ZNF705A: variants seen among roughly 807,000 people sequenced by gnomAD.
ZNF705A encodes zinc finger protein 705A.
Under a neutral mutation model 16.6 loss-of-function variants are expected in ZNF705A, and 8 were observed. The ratio of observed to expected loss-of-function variants is 0.48; its 90% confidence interval spans 0.28 to 0.87. The LOEUF is 0.87. ZNF705A is among the 40% of genes least tolerant of loss of function. The probability of loss-of-function intolerance (pLI) is 0.10; values close to 1 mark genes in which losing one functional copy is unlikely to be tolerated. For missense variants in ZNF705A, 233 were observed against 359.9 expected, an observed-to-expected ratio of 0.65 and a Z score of 2.85; for synonymous variants, 73 against 117.3, an observed-to-expected ratio of 0.62 and a Z score of 2.44.
chr12:8,170,184 T>A (rs981302429), upstream of ZNF705A, among the ~76,000 whole-genome samples: 2 of 65,990 alleles, frequency 3.0e-5, no homozygotes, highest in African/African-American at 5.1e-5. Context: ...AGCGAAACTC[T>A]CCCCCCCCCC....
upstream of ZNF705A, among the ~76,000 whole-genome samples, chr12:8,170,184 TCCC>T (rs35676407): frequency 0.031 from 2,055 of 65,866 alleles, 107 homozygotes; most frequent in African/African-American, 0.07. Flanking sequence ...AGCGAAACTC[TCCC>T]CCCCCCCCCA....
intron 1 of ZNF705A, among the ~76,000 whole-genome samples, chr12:8,162,527 C>G (rs1442043318): frequency 6.6e-6 from 1 of 152,140 alleles, no homozygotes; most frequent in Non-Finnish European, 1.5e-5. Flanking sequence ...CTAGAAGAAT[C>G]TTTCCTTCAA....
At chr12:8,158,985 C>A (rs1392567158) in intron 1 of ZNF705A, among the ~76,000 whole-genome samples, 1 of 152,058 alleles carries the variant, frequency 6.6e-6, no homozygotes. Context: ...TCCTCCAAGT[C>A]CCCAAAGTCC....
chr12:8,179,448 A>G (rs1455115336), exon 5 of ZNF705A: 1 of 152,212 alleles, frequency 6.6e-6, no homozygotes, highest in Non-Finnish European at 1.5e-5. Flanking sequence ...TGGAAAATGT[A>G]TTGTCCGTGA....
chr12:8,171,319 A>T (rs775005644), upstream of ZNF705A, among the ~76,000 whole-genome samples: 1 of 152,340 alleles, frequency 6.6e-6, no homozygotes, highest in Non-Finnish European at 1.5e-5. Flanking sequence ...GCAGGGAAAT[A>T]ATACATGCAT....
chr12:8,167,566 C>T (rs141177296), upstream of ZNF705A, among the ~76,000 whole-genome samples: 3,893 of 152,192 alleles, frequency 0.026, 116 homozygotes, highest in African/African-American at 0.066. Flanking sequence ...GAGAGTCTTG[C>T]TGCTTGCTTG....
chr12:8,177,878 C>T (rs777610409), exon 5 of ZNF705A: 2 of 511,392 alleles, frequency 3.9e-6, no homozygotes, highest in East Asian at 6.9e-5. Flanking sequence ...TTCTTCAGTC[C>T]ACATCAATAA....
At chr12:8,169,145 T>A (rs1407165383), upstream of ZNF705A, among the ~76,000 whole-genome samples, 1 of 152,248 alleles carries the variant, frequency 6.6e-6, no homozygotes. Flanking sequence ...TATTCCTTTT[T>A]TTAAAATGTG....
Position 8,160,325 on chromosome 12 carries a change from A to G in ZNF705A, c.-72+3233A>G, listed in dbSNP as rs141067712. On this transcript the variant is annotated intron_variant, in intron 1 of 5. Transcript: ENST00000396570. ...TATGCAGGCTCCTTTTTGGTTTCAT[A>G]TGAATTTTAGAATTGTTTTTCTAAT... Among the ~76,000 whole-genome samples, 578 of 152,182 alleles carry G rather than the reference A, an allele frequency of 3.8e-3. 18 individuals carry two copies. The East Asian group carries it at 0.084, about 22-fold the overall frequency.
chr12:8,175,958 G>A lies in ZNF705A; in HGVS notation c.318+16G>A, dbSNP rs779174832. The A allele has an allele frequency of 6.2e-7, 1 of 1,610,276 alleles. No homozygotes were observed. Among genetic ancestry groups the A allele is most frequent in the Non-Finnish European group, 8.5e-7 (1 of 1,179,134 alleles). ...TATGACAATGGTAAGTTTTATAGCT[G>A]TGTACACCAGTCATCTAAGTTAAAG... On this transcript the variant is annotated intron_variant, in intron 4 of 4. Coordinates refer to ENST00000359286, the Ensembl canonical transcript of ZNF705A.
exon 5 of ZNF705A, chr12:8,177,098 G>A (rs756228417): frequency 5.0e-6 from 8 of 1,611,784 alleles, no homozygotes; most frequent in Non-Finnish European, 6.8e-6. Context: ...AACTCACAGT[G>A]GAAAGAAACC....
chr12:8,178,668 A>G (rs1948505846), exon 5 of ZNF705A: 1 of 152,268 alleles, frequency 6.6e-6, no homozygotes, highest in South Asian at 2.1e-4. Flanking sequence ...TGACCAGGGA[A>G]TAAATTGAAT....
At chr12:8,166,342 C>A (rs553067931) in intron 1 of ZNF705A, among the ~76,000 whole-genome samples, 5 of 152,288 alleles carry the variant, frequency 3.3e-5, no homozygotes, top group Admixed American at 6.5e-5. Context: ...TCTGTGTCCC[C>A]GCCCAAATCT....
intron 1 of ZNF705A, 88 bp from the exon 3 acceptor site, chr12:8,174,238 C>A: frequency 6.3e-7 from 1 of 1,596,078 alleles, no homozygotes; most frequent in African/African-American, 1.3e-5. Context: ...TCTGCATACC[C>A]AGCTCCTAGC....
At chr12:8,163,389 C>T in intron 1 of ZNF705A, among the ~76,000 whole-genome samples, 1 of 152,032 alleles carries the variant, frequency 6.6e-6, no homozygotes, top group South Asian at 2.1e-4. Flanking sequence ...AATAAAACTC[C>T]CACCAGCATA....
At chr12:8,178,806 C>T (rs1482426377) in exon 5 of ZNF705A, 1 of 152,204 alleles carries the variant, frequency 6.6e-6, no homozygotes, top group South Asian at 2.1e-4. Flanking sequence ...TTATGCAGCC[C>T]TAACAAATCG....
At chr12:8,174,475 A>G in intron 2 of ZNF705A, 23 bp downstream of exon 3, 2 of 1,592,048 alleles carry the variant, frequency 1.3e-6, no homozygotes, top group East Asian at 2.2e-5. Context: ...ACATTCACGT[A>G]CATATGTAGA....
chr12:8,178,257 G>T (rs1948502577), exon 5 of ZNF705A: 1 of 153,428 alleles, frequency 6.5e-6, no homozygotes, highest in African/African-American at 2.4e-5. Context: ...AGCTAAATAA[G>T]AAGGGAAAGT....
chr12:8,165,834 G>C (rs1948395364), intron 1 of ZNF705A, among the ~76,000 whole-genome samples: 1 of 151,994 alleles, frequency 6.6e-6, no homozygotes, highest in Admixed American at 6.6e-5. Flanking sequence ...CATCTATGTT[G>C]GTGCAAAGGA....
Sources: gnomAD v4.1 joint callset for allele counts (sites outside exome capture counted in the v4.1 genomes callset) on GRCh38, gnomAD v4.1.1 for gene constraint, MANE v1.5 for transcripts, NCBI Gene and HGNC (gene_info 2026-07-23, HGNC 2026-07-21) for gene names.